Variants in CCSER1 observed in about 807,000 individuals in gnomAD.
CCSER1 encodes the protein coiled-coil serine rich protein 1, also known as serine-rich coiled-coil domain-containing protein 1.
CCSER1 carries 41 observed loss-of-function variants against 82.0 expected under a neutral mutation model. The observed-to-expected ratio is 0.50, with a 90% CI of 0.39 to 0.65. The LOEUF (loss-of-function observed/expected upper bound fraction) is 0.65, where lower values mean the gene tolerates loss of function less well. Among genes scored for constraint, CCSER1 ranks in the 30% least tolerant of loss-of-function variants. The pLI is 0.00. For synonymous variants in CCSER1, 414 were observed against 383.9 expected (o/e 1.08, Z -0.92); for missense variants, 1,119 against 1,064.2 (o/e 1.05, Z -0.72).
At chr4:90,793,848 T>G (rs1422694652) in intron 7 of CCSER1, among the ~76,000 whole-genome samples, 1 of 152,216 alleles carries the variant, frequency 6.6e-6, no homozygotes, top group Non-Finnish European at 1.5e-5. Flanking sequence ...TTTGACTTCT[T>G]AATAACACAT....
At chr4:91,001,189 T>G (rs1738000840) in intron 9 of CCSER1, among the ~76,000 whole-genome samples, 1 of 152,142 alleles carries the variant, frequency 6.6e-6, no homozygotes, top group South Asian at 2.1e-4. Flanking sequence ...GTTTTTAATT[T>G]TGTTTATGTG....
At chr4:91,598,277 C>A (rs1764674249) in intron 10 of CCSER1, among the ~76,000 whole-genome samples, 1 of 152,106 alleles carries the variant, frequency 6.6e-6, no homozygotes, top group Non-Finnish European at 1.5e-5. Context: ...TCATATAAAT[C>A]ACCTTTTACT....
intron 1 of CCSER1, among the ~76,000 whole-genome samples, chr4:90,199,631 A>T (rs1737271218): frequency 6.6e-6 from 1 of 152,196 alleles, no homozygotes; most frequent in East Asian, 1.9e-4. Context: ...AAGAAAAAAA[A>T]TATGTATGGA....
intron 10 of CCSER1, among the ~76,000 whole-genome samples, chr4:91,514,094 T>A (rs969673388): frequency 6.6e-6 from 1 of 152,148 alleles, no homozygotes; most frequent in Admixed American, 6.6e-5. Context: ...AGGCATTTAG[T>A]GCTATAAACT....
chr4:90,906,985 A>C (rs1725579656), intron 8 of CCSER1, among the ~76,000 whole-genome samples: 1 of 152,166 alleles, frequency 6.6e-6, no homozygotes, highest in Non-Finnish European at 1.5e-5. Context: ...TAAATTGCAA[A>C]ATAGAAAATT....
chr4:91,116,775 T>G (rs1025689310), intron 10 of CCSER1, among the ~76,000 whole-genome samples: 2 of 152,096 alleles, frequency 1.3e-5, no homozygotes, highest in African/African-American at 4.8e-5. Context: ...AAAACAGGGA[T>G]CATTTTTTTT....
intron 1 of CCSER1, among the ~76,000 whole-genome samples, chr4:90,284,681 A>G (rs758939158): frequency 2.6e-5 from 4 of 151,540 alleles, no homozygotes; most frequent in Non-Finnish European, 1.5e-5. Context: ...TTTCATAGAG[A>G]CAGGGTTTTT....
intron 10 of CCSER1, among the ~76,000 whole-genome samples, chr4:91,139,802 G>A (rs1308371454): frequency 6.6e-6 from 1 of 152,064 alleles, no homozygotes; most frequent in Non-Finnish European, 1.5e-5. Flanking sequence ...TTAAAAATAA[G>A]AGCAATACCA....
In CCSER1 at chr4:90,534,242, G is replaced by A. The variant is rs1424828149; in HGVS notation, c.1724+65888G>A. On this transcript the variant is annotated intron_variant, in intron 5 of 10. Coordinates refer to ENST00000509176, the MANE Select transcript of CCSER1 (RefSeq NM_001145065.2). ...CCTCCAGGGTTCACGCCATTCTCCT[G>A]CCTCAGCCTCCCGAGTAGCTGGGAC... Among the ~76,000 whole-genome samples, 4 of 152,278 alleles carry A rather than the reference G, an allele frequency of 2.6e-5. No homozygotes were observed. In the South Asian group the frequency reaches 8.3e-4, roughly 32 times the overall value.
chr4:90,749,231 G>A (rs934605325), intron 7 of CCSER1, among the ~76,000 whole-genome samples: 4 of 151,690 alleles, frequency 2.6e-5, no homozygotes, highest in African/African-American at 9.7e-5. Flanking sequence ...GTAAGGAAGG[G>A]ATCCAGTTTC....
At chr4:91,277,353 T>C (rs1406074595) in intron 10 of CCSER1, among the ~76,000 whole-genome samples, 1 of 152,074 alleles carries the variant, frequency 6.6e-6, no homozygotes, top group African/African-American at 2.4e-5. Flanking sequence ...ACTGCTTCAA[T>C]CTTATTATGT....
intron 10 of CCSER1, among the ~76,000 whole-genome samples, chr4:91,568,406 TG>T (rs1338870776): frequency 6.6e-6 from 1 of 150,716 alleles, no homozygotes; most frequent in African/African-American, 2.5e-5. Flanking sequence ...TAACAAGGTT[TG>T]GATATTTTTC....
intron 10 of CCSER1, among the ~76,000 whole-genome samples, chr4:91,170,005 C>T (rs1170648012): frequency 6.6e-6 from 1 of 152,162 alleles, no homozygotes; most frequent in Admixed American, 6.5e-5. Context: ...AAAAAGAAAG[C>T]ACATTTCACT....
intron 3 of CCSER1, among the ~76,000 whole-genome samples, chr4:90,332,805 G>C (rs1903579): frequency 0.66 from 99,690 of 152,032 alleles, 34,196 homozygotes; most frequent in African/African-American, 0.86. Context: ...TCTTACATCA[G>C]AAAGTAAGTA....
At chr4:90,354,236 A>T (rs528008666) in intron 3 of CCSER1, among the ~76,000 whole-genome samples, 128 of 152,312 alleles carry the variant, frequency 8.4e-4, no homozygotes, top group Non-Finnish European at 1.6e-3. Flanking sequence ...TGTGGAATAT[A>T]AAAAAGTTGG....
chr4:90,360,688 A>T (rs1286045987), intron 3 of CCSER1, among the ~76,000 whole-genome samples: 2 of 151,498 alleles, frequency 1.3e-5, no homozygotes, highest in Non-Finnish European at 1.5e-5. Context: ...GAGGTTTAAG[A>T]GTCCATTCTG....
chr4:90,287,952 C>G (rs971737335), intron 1 of CCSER1, among the ~76,000 whole-genome samples: 7 of 150,984 alleles, frequency 4.6e-5, no homozygotes, highest in Non-Finnish European at 8.8e-5. Flanking sequence ...CAAACAAAAA[C>G]CAACTGAACA....
chr4:90,779,218 C>T (rs1016961525), intron 7 of CCSER1, among the ~76,000 whole-genome samples: 2 of 152,112 alleles, frequency 1.3e-5, no homozygotes, highest in African/African-American at 4.8e-5. Context: ...GATATTTCAT[C>T]TATACTAAAT....
At chr4:90,724,987 C>T (rs777610508) in intron 7 of CCSER1, 31 of 435,234 alleles carry the variant, frequency 7.1e-5, no homozygotes, top group Non-Finnish European at 1.3e-4. Flanking sequence ...TAATTATGGA[C>T]ACTTTTTTGC....
Sources: allele counts gnomAD v4.1 joint callset (sites outside exome capture counted in the v4.1 genomes callset), GRCh38; gene constraint gnomAD v4.1.1; transcripts MANE v1.5; gene names NCBI Gene and HGNC (gene_info 2026-07-23, HGNC 2026-07-21).